Variants in CTNND2 observed in about 807,000 individuals in gnomAD.
CTNND2 encodes catenin delta-2.
CTNND2 carries 22 observed loss-of-function variants against 144.4 expected under a neutral mutation model. The ratio of observed to expected loss-of-function variants is 0.15; its 90% CI spans 0.11 to 0.22. CTNND2 has a LOEUF of 0.22. CTNND2 is among the 10% of genes least tolerant of loss of function. CTNND2 has a pLI of 1.00. For missense variants in CTNND2, 1,353 were observed against 1,618.8 expected, an observed-to-expected ratio of 0.84 and a Z score of 2.82; for synonymous variants, 751 against 695.6, an observed-to-expected ratio of 1.08 and a Z score of -1.25.
At chr5:11,697,054 G>T (rs1273248311) in intron 2 of CTNND2, among the ~76,000 whole-genome samples, 1 of 152,204 alleles carries the variant, frequency 6.6e-6, no homozygotes, top group East Asian at 1.9e-4. Context: ...AGCCATTATA[G>T]GTAATGTGAA....
intron 5 of CTNND2, among the ~76,000 whole-genome samples, chr5:11,399,816 T>C (rs1316145211): frequency 3.3e-5 from 5 of 152,224 alleles, no homozygotes; most frequent in African/African-American, 4.8e-5. Context: ...AACACTGACA[T>C]ATCACCTGGC....
At chr5:11,137,435 C>G (rs1236182857) in intron 12 of CTNND2, among the ~76,000 whole-genome samples, 3 of 152,122 alleles carry the variant, frequency 2.0e-5, no homozygotes, top group African/African-American at 7.2e-5. Flanking sequence ...CCAACGTGTC[C>G]AGGAATTTCC....
At chr5:11,017,167 A>C (rs796904910) in intron 18 of CTNND2, among the ~76,000 whole-genome samples, 19 of 152,230 alleles carry the variant, frequency 1.2e-4, no homozygotes, top group African/African-American at 4.6e-4. Flanking sequence ...TGTTAAAAAA[A>C]AAAAATTCTC....
At position 11,411,636 on chromosome 5, in the gene CTNND2, G is replaced by A. The variant is rs374819899; in HGVS notation, c.339C>T (p.Ile113=). The part of the protein sequence containing the change: ...QWQSQDGQKD[I]EDELTTGLEL... The stretch of plus-strand genomic sequence containing the variant: ...CGAGACCTGTTGTAAGCTCATCTTC[G>A]ATATCTTTTTGACCATCTGAAATGA... The change falls in exon 5 of 22, where the codon ATC becomes ATT. Residue 113 remains isoleucine, a synonymous_variant. Coordinates refer to ENST00000304623, the MANE Select transcript of CTNND2 (RefSeq NM_001332.4). The A allele has an allele frequency of 2.1e-5, 33 of 1,605,386 alleles. No homozygotes were observed. Among genetic ancestry groups the A allele is most frequent in the Non-Finnish European group, 2.4e-5 (28 of 1,173,268 alleles).
chr5:11,637,881 T>A (rs1331352068), intron 2 of CTNND2, among the ~76,000 whole-genome samples: 1 of 152,146 alleles, frequency 6.6e-6, no homozygotes, highest in Non-Finnish European at 1.5e-5. Context: ...GATTAAGACA[T>A]TTGAGTTCTA....
chr5:11,039,195 A>T (rs777503750), intron 16 of CTNND2, among the ~76,000 whole-genome samples: 1 of 152,204 alleles, frequency 6.6e-6, no homozygotes, highest in Non-Finnish European at 1.5e-5. Context: ...AATCAACATC[A>T]TCTCTGACAT....
At chr5:11,821,064 G>A (rs963602401) in intron 1 of CTNND2, among the ~76,000 whole-genome samples, 4 of 152,128 alleles carry the variant, frequency 2.6e-5, no homozygotes, top group African/African-American at 9.7e-5. Context: ...TTTTGGTAAA[G>A]AATATTACTT....
intron 16 of CTNND2, among the ~76,000 whole-genome samples, chr5:11,063,077 G>A (rs1041826641): frequency 7.2e-5 from 11 of 151,844 alleles, no homozygotes; most frequent in African/African-American, 2.2e-4. Context: ...ACTTGATGAC[G>A]GATCCCAATG....
At chr5:11,505,941 C>T (rs1770986953) in intron 3 of CTNND2, among the ~76,000 whole-genome samples, 1 of 152,142 alleles carries the variant, frequency 6.6e-6, no homozygotes, top group Non-Finnish European at 1.5e-5. Flanking sequence ...ATTCATTGCT[C>T]AACCACAAGA....
At chr5:11,597,431 C>T (rs554343155) in intron 2 of CTNND2, among the ~76,000 whole-genome samples, 2 of 152,276 alleles carry the variant, frequency 1.3e-5, no homozygotes, top group Admixed American at 1.3e-4. Flanking sequence ...AAGCTGCTGA[C>T]ATATCTGATG....
chr5:11,569,624 T>C (rs1403035568), intron 2 of CTNND2, among the ~76,000 whole-genome samples: 3 of 152,106 alleles, frequency 2.0e-5, no homozygotes, highest in Admixed American at 2.0e-4. Flanking sequence ...GTTTCATTAC[T>C]TCCCTCAATA....
chr5:11,839,355 G>C (rs1021048842), intron 1 of CTNND2, among the ~76,000 whole-genome samples: 1 of 151,974 alleles, frequency 6.6e-6, no homozygotes, highest in African/African-American at 2.4e-5. Flanking sequence ...ATCAAACTTA[G>C]GTTCATCCTG....
At chr5:11,791,925 T>C (rs1471313351) in intron 1 of CTNND2, among the ~76,000 whole-genome samples, 1 of 152,166 alleles carries the variant, frequency 6.6e-6, no homozygotes, top group African/African-American at 2.4e-5. Context: ...AATGCAGTCA[T>C]GCTGGTTTCA....
At chr5:11,454,196 C>A (rs376380596) in intron 3 of CTNND2, among the ~76,000 whole-genome samples, 1 of 152,086 alleles carries the variant, frequency 6.6e-6, no homozygotes, top group Admixed American at 6.5e-5. Context: ...CCGAGGCGGG[C>A]GAGTTACGAG....
At chr5:11,293,164 C>T (rs1223567002) in intron 9 of CTNND2, among the ~76,000 whole-genome samples, 1 of 152,162 alleles carries the variant, frequency 6.6e-6, no homozygotes, top group Non-Finnish European at 1.5e-5. Context: ...ATAAGCTCAG[C>T]TATTTATCAA....
rs76704733 is a variant in CTNND2 at position 10,972,777 on chromosome 5, T to C, written c.*676A>G. The C allele has an allele frequency of 7.7e-6, 1 of 129,558 alleles. No individual in the cohort carries two copies. Among genetic ancestry groups the C allele is most frequent in the South Asian group, 2.4e-4 (1 of 4,132 alleles). 8.0% of individuals were successfully genotyped at this position (129,558 alleles called of 1,614,324 possible). On this transcript the variant is annotated 3_prime_UTR_variant, in exon 22 of 22. Coordinates refer to ENST00000304623, the MANE Select transcript of CTNND2 (RefSeq NM_001332.4). ...CTGCTAAATATTCCTTTTTTCCTGC[T>C]TTTTTTTTTTTTTGTTAAAACATAC...
chr5:11,159,090 G>T (rs1758513378), intron 12 of CTNND2, among the ~76,000 whole-genome samples: 1 of 152,092 alleles, frequency 6.6e-6, no homozygotes, highest in Non-Finnish European at 1.5e-5. Flanking sequence ...CCTTATTAAA[G>T]AGCTATTTCT....
intron 12 of CTNND2, among the ~76,000 whole-genome samples, chr5:11,150,873 G>A (rs553125298): frequency 1.5e-4 from 23 of 152,134 alleles, no homozygotes; most frequent in East Asian, 1.2e-3. Flanking sequence ...TGATCCACCC[G>A]CCTTGGCCTC....
chr5:11,766,985 A>G (rs1789629923), intron 1 of CTNND2, among the ~76,000 whole-genome samples: 1 of 151,970 alleles, frequency 6.6e-6, no homozygotes, highest in African/African-American at 2.4e-5. Flanking sequence ...GCCAGAGCTC[A>G]CCCTGAGACC....
Sources: allele counts gnomAD v4.1 joint callset (sites outside exome capture counted in the v4.1 genomes callset), GRCh38; gene constraint gnomAD v4.1.1; transcripts MANE v1.5; gene names NCBI Gene and HGNC (gene_info 2026-07-23, HGNC 2026-07-21).